ZRANB3: variants seen among roughly 807,000 people sequenced by gnomAD.
ZRANB3 encodes DNA annealing helicase and endonuclease ZRANB3.
Under a neutral mutation model 133.8 loss-of-function variants are expected in ZRANB3, and 125 were observed. That is an observed-to-expected ratio of 0.93 (90% confidence interval 0.81 to 1.08). The LOEUF is 1.08. ZRANB3 is among the 50% of genes least tolerant of loss of function. The pLI is 0.00. For synonymous variants in ZRANB3, 387 were observed against 432.7 expected (o/e 0.89, Z 1.31); for missense variants, 1,229 against 1,275.5 (o/e 0.96, Z 0.56).
chr2:135,328,476 G>A (rs1233433206), intron 6 of ZRANB3, among the ~76,000 whole-genome samples: 1 of 152,080 alleles, frequency 6.6e-6, no homozygotes, highest in Non-Finnish European at 1.5e-5. Flanking sequence ...TGGACATTTG[G>A]TTTGGTTCCA....
At chr2:135,247,429 A>G (rs1484212112) in intron 12 of ZRANB3, among the ~76,000 whole-genome samples, 1 of 152,222 alleles carries the variant, frequency 6.6e-6, no homozygotes, top group African/African-American at 2.4e-5. Context: ...ATCCACTCTT[A>G]GGCACAACTA....
At position 135,270,595 on chromosome 2, in the gene ZRANB3, G is replaced by A. The variant is rs75436217; in HGVS notation, c.1206+1173C>T. On this transcript the variant is annotated intron_variant, in intron 10 of 20. Transcript: ENST00000264159. Reference sequence around the variant, plus strand: ...TAAGCCCTTTTTGATGATATTCTCTGTGGCTGGAACAGTCTAACAGATAAA... The same window carrying A: ...TAAGCCCTTTTTGATGATATTCTCTATGGCTGGAACAGTCTAACAGATAAA... Among the ~76,000 whole-genome samples, 451 of 152,154 alleles carry A rather than the reference G, an allele frequency of 3.0e-3. 3 individuals carry two copies. Among genetic ancestry groups the A allele is most frequent in the African/African-American group, 0.01 (420 of 41,512 alleles).
At chr2:135,228,613 G>C (rs1026682475) in intron 13 of ZRANB3, among the ~76,000 whole-genome samples, 1 of 152,146 alleles carries the variant, frequency 6.6e-6, no homozygotes, top group African/African-American at 2.4e-5. Context: ...TAGCAATAAA[G>C]ATAAAGTGGT....
rs1273911618 is a variant in ZRANB3, at chr2:135,207,615, T to G, written c.2828A>C (p.Glu943Ala). Residue 943 changes from glutamate to alanine, a missense_variant, in exon 19 of 21, where the codon GAG (glutamate) becomes GCG (alanine). Coordinates refer to ENST00000264159, the MANE Select transcript of ZRANB3 (RefSeq NM_032143.4). ...ACTGTTATTAGATCGAATCCAAAAC[T>G]CTTCCTGACATTTCAGAGAGCAAAA... ...SRFCSLKCQE[E>A]FWIRSNNSYL... The G allele has an allele frequency of 6.2e-7, 1 of 1,614,008 alleles. No homozygotes were observed. The highest frequency in any genetic ancestry group is 1.1e-5 in the South Asian group (1 of 91,082).
intron 3 of ZRANB3, among the ~76,000 whole-genome samples, chr2:135,390,521 G>C (rs1687175586): frequency 6.6e-6 from 1 of 152,090 alleles, no homozygotes; most frequent in Non-Finnish European, 1.5e-5. Context: ...TTGGGGGGCT[G>C]CATTTCAAAA....
At chr2:135,248,619 C>T (rs529744570) in intron 12 of ZRANB3, among the ~76,000 whole-genome samples, 26 of 152,128 alleles carry the variant, frequency 1.7e-4, no homozygotes, top group Non-Finnish European at 3.1e-4. Flanking sequence ...AAAAAGTGGG[C>T]GAAGGGCCTG....
At chr2:135,368,152 C>A (rs1038350132) in intron 3 of ZRANB3, among the ~76,000 whole-genome samples, 1 of 151,938 alleles carries the variant, frequency 6.6e-6, no homozygotes, top group African/African-American at 2.4e-5. Context: ...AAATATTATT[C>A]ATGTCAAAAT....
At chr2:135,373,065 A>G (rs1293732415) in intron 3 of ZRANB3, among the ~76,000 whole-genome samples, 1 of 152,090 alleles carries the variant, frequency 6.6e-6, no homozygotes, top group East Asian at 1.9e-4. Context: ...TCTCGAAAAA[A>G]AAAAAAAAAG....
intron 8 of ZRANB3, among the ~76,000 whole-genome samples, chr2:135,307,822 C>A (rs1573879978): frequency 6.6e-6 from 1 of 152,202 alleles, no homozygotes; most frequent in Middle Eastern, 3.4e-3. Flanking sequence ...TGTTTAGGTT[C>A]TCTTGTTACA....
At chr2:135,302,016 A>G (rs1273917750) in intron 8 of ZRANB3, among the ~76,000 whole-genome samples, 1 of 152,236 alleles carries the variant, frequency 6.6e-6, no homozygotes, top group Non-Finnish European at 1.5e-5. Flanking sequence ...TAATCAAATT[A>G]TAATCTATGC....
chr2:135,377,968 C>CAGTA, intron 3 of ZRANB3, among the ~76,000 whole-genome samples: 1 of 152,284 alleles, frequency 6.6e-6, no homozygotes, highest in Non-Finnish European at 1.5e-5. Flanking sequence ...CTGGCCTAGC[C>CAGTA]TCCCAGCCTG....
chr2:135,262,159 CAA>C (rs755264566), intron 12 of ZRANB3, among the ~76,000 whole-genome samples: 5,755 of 63,832 alleles, frequency 0.09, 221 homozygotes, highest in African/African-American at 0.27. Context: ...ACTCCATCTC[CAA>C]AAAAAAAAAA....
Position 135,229,437 on chromosome 2 carries a change from G to A in ZRANB3, c.1954+1076C>T, listed in dbSNP as rs555677655. ...GCCTGGAGTGCAGTGGCGCGATCTC[G>A]GCTCACTGCAAGCTCCGCCTCCCGG... On this transcript the variant is annotated intron_variant, in intron 13 of 20. Transcript: ENST00000264159. Among the ~76,000 whole-genome samples the A allele has an allele frequency of 4.0e-4, 60 of 149,030 alleles. No homozygotes were observed. In the South Asian group the frequency reaches 0.012, roughly 31 times the overall value.
At chr2:135,490,885 C>CAT (rs1559034218) in intron 2 of ZRANB3, among the ~76,000 whole-genome samples, 3 of 152,080 alleles carry the variant, frequency 2.0e-5, no homozygotes, top group Admixed American at 2.0e-4. Context: ...ATAAGCCAAG[C>CAT]ACAGAAAGAC....
intron 1 of ZRANB3, among the ~76,000 whole-genome samples, chr2:135,528,648 T>TA (rs576879098): frequency 6.1e-4 from 88 of 143,440 alleles, no homozygotes; most frequent in South Asian, 3.1e-3. Context: ...CACAAACAAA[T>TA]AAAAAAAAAA....
chr2:135,505,226 TA>T (rs1693122039), intron 1 of ZRANB3, among the ~76,000 whole-genome samples: 1 of 152,104 alleles, frequency 6.6e-6, no homozygotes, highest in African/African-American at 2.4e-5. Flanking sequence ...CAAATAATAA[TA>T]TTTTGTATTT....
At chr2:135,382,447 C>T (rs369637989) in intron 3 of ZRANB3, among the ~76,000 whole-genome samples, 1 of 152,122 alleles carries the variant, frequency 6.6e-6, no homozygotes, top group Admixed American at 6.6e-5. Flanking sequence ...GAACTTCCCC[C>T]ATCTAGCAAG....
intron 8 of ZRANB3, among the ~76,000 whole-genome samples, chr2:135,288,260 T>C (rs760424081): frequency 1.9e-4 from 29 of 152,324 alleles, no homozygotes; most frequent in Non-Finnish European, 3.5e-4. Context: ...TGTTAAGCTA[T>C]CCCAGCATCC....
At chr2:135,504,063 G>A (rs1026344162) in intron 2 of ZRANB3, 1 of 443,236 alleles carries the variant, frequency 2.3e-6, no homozygotes, top group African/African-American at 2.0e-5. Flanking sequence ...CTAGAAAACT[G>A]TCAATATATG....
Sources: allele counts gnomAD v4.1 joint callset (sites outside exome capture counted in the v4.1 genomes callset), GRCh38; gene constraint gnomAD v4.1.1; transcripts MANE v1.5; gene names NCBI Gene and HGNC (gene_info 2026-07-23, HGNC 2026-07-21).